LAMA2: variants seen among roughly 807,000 people sequenced by gnomAD.
The protein encoded by LAMA2 is laminin subunit alpha-2.
LAMA2 carries 269 observed loss-of-function variants against 364.8 expected under a neutral mutation model. That is an observed-to-expected ratio of 0.74 (90% CI 0.67 to 0.82). The LOEUF is 0.82. Ranked by LOEUF, LAMA2 falls within the 40% of genes least tolerant of loss-of-function variation. The pLI is 0.00. For synonymous variants in LAMA2, 1,379 were observed against 1,370.6 expected (o/e 1.01, Z -0.14); for missense variants, 3,807 against 3,873.2 (o/e 0.98, Z 0.45).
At position 129,384,806 on chromosome 6, in the gene LAMA2, T is replaced by G. The variant is rs183463101; in HGVS notation, c.5071+1573T>G. On this transcript the variant is annotated intron_variant, in intron 35 of 64. Transcript: ENST00000421865. ...CCTAAATTATGCATAGATCAGGTGG[T>G]CTGATTGTGTCTGTCCAGATAGGGC... Among the ~76,000 whole-genome samples, 655 of 152,040 alleles carry G rather than the reference T, an allele frequency of 4.3e-3. 3 individuals carry two copies. The highest frequency in any genetic ancestry group is 7.5e-3 in the Non-Finnish European group (508 of 67,998).
intron 4 of LAMA2, among the ~76,000 whole-genome samples, chr6:129,126,229 G>A (rs1777109505): frequency 6.6e-6 from 1 of 151,804 alleles, no homozygotes; most frequent in Non-Finnish European, 1.5e-5. Context: ...ATACTTAGAT[G>A]GGCCATCTAA....
intron 9 of LAMA2, among the ~76,000 whole-genome samples, chr6:129,169,540 G>T (rs1779995717): frequency 6.6e-6 from 1 of 151,800 alleles, no homozygotes; most frequent in Admixed American, 6.6e-5. Context: ...TAAGCTTTTT[G>T]ATGTGCTGCT....
chr6:129,255,137 G>A (rs1292290757), intron 14 of LAMA2, among the ~76,000 whole-genome samples: 5 of 151,854 alleles, frequency 3.3e-5, no homozygotes, highest in Non-Finnish European at 7.4e-5. Context: ...GCCGGGCACG[G>A]TGGCTCATGC....
chr6:129,143,841 CAAAAT>C, intron 4 of LAMA2, 55 bp from the exon 5 acceptor site: 1 of 1,268,056 alleles, frequency 7.9e-7, no homozygotes, highest in South Asian at 1.3e-5. Context: ...GAAAAAGAAA[CAAAAT>C]CAATATTTAA....
intron 2 of LAMA2, among the ~76,000 whole-genome samples, chr6:129,055,812 C>A (rs144459653): frequency 1.2e-4 from 19 of 152,366 alleles, no homozygotes; most frequent in African/African-American, 4.6e-4. Context: ...ATCCAGTTTT[C>A]AGATGCAGTT....
In LAMA2 at chr6:129,251,060, CTCTCTCTCTCTCTCTCTATATATATA is replaced by C. The variant is rs1230163514; in HGVS notation, c.1884+849_1884+874del. On this transcript the variant is annotated intron_variant, in intron 13 of 64. Transcript: ENST00000421865. Reference sequence around the variant, plus strand: ...TCTCTTTCTCTCTCTCTCTCTCTCTCTCTCTCTCTCTCTCTCTATATATATATATATATATATATATATATGGCAAC... The same window carrying C: ...TCTCTTTCTCTCTCTCTCTCTCTCTCTATATATATATATATATATGGCAAC... 5.5e-4 allele frequency among the ~76,000 whole-genome samples: 41 copies of C among 74,268 alleles called. No individual in the cohort carries two copies. In the East Asian group the frequency reaches 7.7e-3, roughly 14 times the overall value. The allele number at this position is 74,268 out of a possible 152,430, so 48.7% of individuals were successfully genotyped here.
Position 129,266,784 on chromosome 6 carries a change from A to G in LAMA2, c.2209-322A>G, listed in dbSNP as rs146900635. ...CCTTTTTTACAGTACTTTTTCTTCT[A>G]CTTTCCTGTCTGTGCTTTTTTCTTT... is the stretch of plus-strand genomic sequence containing the variant. On this transcript the variant is annotated intron_variant, in intron 15 of 64. Coordinates refer to ENST00000421865, the MANE Select transcript of LAMA2 (RefSeq NM_000426.4). 3.2e-3 allele frequency among the ~76,000 whole-genome samples: 493 copies of G among 152,074 alleles called. 3 individuals are homozygous for G. The highest frequency in any genetic ancestry group is 0.011 in the African/African-American group (459 of 41,492).
intron 50 of LAMA2, 56 bp downstream of exon 50, chr6:129,464,508 A>T: frequency 7.3e-7 from 1 of 1,371,440 alleles, no homozygotes; most frequent in Non-Finnish European, 1.0e-6. Flanking sequence ...TGCTTCTTTT[A>T]TCAGTTATTG....
At position 129,162,093 on chromosome 6, in the gene LAMA2, T is replaced by A. The variant is rs572932032; in HGVS notation, c.1207-3483T>A. On this transcript the variant is annotated intron_variant, in intron 8 of 64. Coordinates refer to ENST00000421865, the MANE Select transcript of LAMA2 (RefSeq NM_000426.4). The stretch of plus-strand genomic sequence containing the variant: ...AATCTCCCAACGGCTTCCCACAGTG[T>A]CTGAACTAATTTACTTTCCCACCAG... Among the ~76,000 whole-genome samples the A allele has an allele frequency of 7.9e-5, 12 of 152,298 alleles. No homozygotes were observed. The East Asian group carries it at 2.3e-3, about 29-fold the overall frequency.
At chr6:129,278,448 TCA>T (rs757169052) in intron 17 of LAMA2, among the ~76,000 whole-genome samples, 3 of 152,228 alleles carry the variant, frequency 2.0e-5, no homozygotes, top group Non-Finnish European at 4.4e-5. Context: ...GATGCAGTTC[TCA>T]CTTTTATGTC....
chr6:129,232,821 A>C (rs976232666), intron 12 of LAMA2, among the ~76,000 whole-genome samples: 1 of 152,122 alleles, frequency 6.6e-6, no homozygotes, highest in African/African-American at 2.4e-5. Flanking sequence ...GAGACCTTAA[A>C]AGTAGAAGAG....
intron 53 of LAMA2, 97 bp downstream of exon 53, chr6:129,475,498 G>A (rs1369054395): frequency 6.1e-6 from 5 of 820,536 alleles, no homozygotes; most frequent in Non-Finnish European, 1.0e-5. Context: ...AGCAACACCA[G>A]TACAGCTTTG....
intron 4 of LAMA2, among the ~76,000 whole-genome samples, chr6:129,100,091 T>C (rs1475634197): frequency 6.6e-6 from 1 of 152,232 alleles, no homozygotes; most frequent in Admixed American, 6.5e-5. Context: ...CAATATAAAA[T>C]ACACTTCGGC....
At chr6:129,489,303 C>T (rs1318863367) in intron 56 of LAMA2, among the ~76,000 whole-genome samples, 1 of 152,146 alleles carries the variant, frequency 6.6e-6, no homozygotes, top group East Asian at 1.9e-4. Flanking sequence ...CAAGAAGCTC[C>T]TTCTCCCTTG....
intron 34 of LAMA2, among the ~76,000 whole-genome samples, chr6:129,381,529 A>T (rs942269678): frequency 3.9e-5 from 6 of 152,056 alleles, no homozygotes; most frequent in African/African-American, 1.4e-4. Context: ...GTGTGTAAAA[A>T]GTTATTTGAC....
At chr6:129,444,545 T>C (rs1255532461) in intron 44 of LAMA2, among the ~76,000 whole-genome samples, 2 of 152,216 alleles carry the variant, frequency 1.3e-5, no homozygotes, top group African/African-American at 4.8e-5. Flanking sequence ...ATATAGCAAA[T>C]CTATTAGTTA....
intron 1 of LAMA2, among the ~76,000 whole-genome samples, chr6:128,982,755 C>A (rs889748015): frequency 1.7e-5 from 2 of 117,654 alleles, no homozygotes; most frequent in Non-Finnish European, 1.7e-5. Flanking sequence ...ATCCCTCCCC[C>A]CTCCCCCCAC....
At chr6:129,222,261 C>A (rs1783906367) in intron 12 of LAMA2, among the ~76,000 whole-genome samples, 2 of 151,952 alleles carry the variant, frequency 1.3e-5, no homozygotes, top group Admixed American at 1.3e-4. Flanking sequence ...CAAGTCTTCT[C>A]ATCTTTAAAA....
intron 1 of LAMA2, among the ~76,000 whole-genome samples, chr6:128,887,597 G>T (rs1776215038): frequency 6.6e-6 from 1 of 152,116 alleles, no homozygotes. Context: ...GGCTGGGCAA[G>T]GTGGCTCACT....
Sources: gnomAD v4.1 joint callset for allele counts (sites outside exome capture counted in the v4.1 genomes callset) on GRCh38, gnomAD v4.1.1 for gene constraint, MANE v1.5 for transcripts, NCBI Gene and HGNC (gene_info 2026-07-23, HGNC 2026-07-21) for gene names.